Variants in TWIST2 observed in about 807,000 individuals in gnomAD.
TWIST2 encodes the protein twist-related protein 2.
TWIST2 carries 1 observed loss-of-function variant against 11.6 expected under a neutral mutation model. That is an observed-to-expected ratio of 0.09 (90% CI 0.03 to 0.41). TWIST2 has a LOEUF of 0.41. Among genes scored for constraint, TWIST2 ranks in the 10% least tolerant of loss-of-function variants. TWIST2 has a pLI of 0.98. For missense variants in TWIST2, 168 were observed against 226.4 expected (o/e 0.74, Z 1.66); for synonymous variants, 87 against 96.6 (o/e 0.90, Z 0.58).
chr2:238,884,109 C>T (rs1351830664), intron 1 of TWIST2, among the ~76,000 whole-genome samples: 1 of 152,218 alleles, frequency 6.6e-6, no homozygotes, highest in South Asian at 2.1e-4. Flanking sequence ...ACAGAAGGCA[C>T]CCCGAGTGCC....
At chr2:238,872,082 G>A (rs535563106) in intron 1 of TWIST2, among the ~76,000 whole-genome samples, 5 of 152,268 alleles carry the variant, frequency 3.3e-5, no homozygotes, top group South Asian at 4.2e-4. Flanking sequence ...AATTATTTCC[G>A]GGGATGTTTC....
chr2:238,887,480 C>CT (rs1205351356), intron 1 of TWIST2, among the ~76,000 whole-genome samples: 1 of 152,222 alleles, frequency 6.6e-6, no homozygotes, highest in Non-Finnish European at 1.5e-5. Flanking sequence ...CAAATGCCAT[C>CT]TACAAATTAC....
In TWIST2 at chr2:238,867,918, G is replaced by A. The variant is rs529010914; in HGVS notation, c.*35+19185G>A. Among the ~76,000 whole-genome samples the A allele has an allele frequency of 6.6e-6, 1 of 152,334 alleles. No individual in the cohort carries two copies. Among genetic ancestry groups the A allele is most frequent in the East Asian group, 1.9e-4 (1 of 5,176 alleles). On this transcript the variant is annotated intron_variant, in intron 1 of 1. Transcript: ENST00000612363. This position sits in a 1 kb window ranked among gnomAD's most constrained non-coding sequence, Gnocchi z 4.8. ...AGAAGGAGCAGGTGGGCTGAAGAAT[G>A]TGTTGGAGCAGAGACTGTGGTCAGC... is the stretch of plus-strand genomic sequence containing the variant.
Position 238,858,459 on chromosome 2 carries a change from C to T in TWIST2, c.*35+9726C>T, listed in dbSNP as rs1011083050. Among the ~76,000 whole-genome samples, 17 of 152,138 alleles carry T rather than the reference C, an allele frequency of 1.1e-4. No individual in the cohort carries two copies. The East Asian group carries it at 1.2e-3, about 10-fold the overall frequency. ...CAGAAACCAAAGGCTGTTGACTTTG[C>T]GAGAGGCAAGCTAGCTCCCCAAGTG... On this transcript the variant is annotated intron_variant, in intron 1 of 1. Transcript: ENST00000612363.
intron 1 of TWIST2, among the ~76,000 whole-genome samples, chr2:238,909,123 G>GTGTGTTTGTGTGTGTGGTATTTGTATGT (rs1693409563): frequency 5.1e-5 from 1 of 19,702 alleles, no homozygotes; most frequent in African/African-American, 1.5e-4. Context: ...ATGTGGGGTG[G>GTGTGTTTGTGTGTGTGGTATTTGTATGT]GGTGTGTTCG....
chr2:238,905,906 TGTGTGTGCGTGCAG>T (rs1693339482), intron 1 of TWIST2, among the ~76,000 whole-genome samples: 2 of 40,858 alleles, frequency 4.9e-5, no homozygotes, highest in African/African-American at 2.8e-4. Context: ...CGTGTGTGCG[TGTGTGTGCGTGCAG>T]GTGTGCGTGT....
chr2:238,890,781 GA>G (rs1693117163), intron 1 of TWIST2, among the ~76,000 whole-genome samples: 1 of 152,110 alleles, frequency 6.6e-6, no homozygotes, highest in Non-Finnish European at 1.5e-5. Flanking sequence ...GGGGCAGGGG[GA>G]TTAGTCTCTA....
At chr2:238,853,034 A>C (rs1692268625) in intron 1 of TWIST2, among the ~76,000 whole-genome samples, 2 of 152,214 alleles carry the variant, frequency 1.3e-5, no homozygotes, top group South Asian at 4.1e-4. Flanking sequence ...ATCTCAATAT[A>C]TTTCCAATAT....
At chr2:238,907,791 C>G (rs934090321) in intron 1 of TWIST2, among the ~76,000 whole-genome samples, 1 of 151,548 alleles carries the variant, frequency 6.6e-6, no homozygotes, top group South Asian at 2.1e-4. Context: ...CCCACTTACA[C>G]ACATAAACAC....
chr2:238,884,319 G>A (rs1447169474), intron 1 of TWIST2, among the ~76,000 whole-genome samples: 1 of 152,208 alleles, frequency 6.6e-6, no homozygotes, highest in African/African-American at 2.4e-5. Context: ...GGAGAAGTGA[G>A]GTCCCAGTGA....
At chr2:238,905,105 C>T (rs1324095349) in intron 1 of TWIST2, among the ~76,000 whole-genome samples, 5 of 152,042 alleles carry the variant, frequency 3.3e-5, no homozygotes, top group Admixed American at 1.3e-4. Context: ...TAGAGTAAAA[C>T]GCCTTTCCCT....
chr2:238,870,823 A>C (rs1275359509), intron 1 of TWIST2, among the ~76,000 whole-genome samples: 1 of 47,122 alleles, frequency 2.1e-5, no homozygotes, highest in Non-Finnish European at 4.1e-5. Context: ...CACACACCCC[A>C]CACACACCAC....
At position 238,876,854 on chromosome 2, in the gene TWIST2, C is replaced by T. The variant is rs370951071; in HGVS notation, c.*35+28121C>T. Reference sequence around the variant, plus strand: ...AAAAAGGGAATAAAGGGAATCGACTCGAGATACTAAAATGCATCTGAGAAA... The same window carrying T: ...AAAAAGGGAATAAAGGGAATCGACTTGAGATACTAAAATGCATCTGAGAAA... On this transcript the variant is annotated intron_variant, in intron 1 of 1. Coordinates refer to ENST00000612363, the MANE Select transcript of TWIST2 (RefSeq NM_001271893.4). 1.1e-4 allele frequency among the ~76,000 whole-genome samples: 16 copies of T among 152,126 alleles called. No homozygotes were observed. The East Asian group carries it at 1.9e-3, about 18-fold the overall frequency.
At chr2:238,852,368 T>C (rs1692257584) in intron 1 of TWIST2, among the ~76,000 whole-genome samples, 1 of 152,244 alleles carries the variant, frequency 6.6e-6, no homozygotes, top group South Asian at 2.1e-4. Flanking sequence ...TTTATGTTTG[T>C]GTCTTTTCCT....
At chr2:238,865,129 G>A (rs1692509245) in intron 1 of TWIST2, among the ~76,000 whole-genome samples, 1 of 152,346 alleles carries the variant, frequency 6.6e-6, no homozygotes, top group East Asian at 1.9e-4. Context: ...ATGGTCCAGT[G>A]AGCTGGGTGC....
intron 1 of TWIST2, among the ~76,000 whole-genome samples, chr2:238,870,173 ACC>A (rs1559273540): frequency 9.4e-5 from 6 of 63,990 alleles, no homozygotes; most frequent in African/African-American, 2.3e-4. Context: ...CACACCACAC[ACC>A]CCACACACAC....
At chr2:238,896,562 CAT>C (rs1693210136) in intron 1 of TWIST2, among the ~76,000 whole-genome samples, 1 of 152,206 alleles carries the variant, frequency 6.6e-6, no homozygotes, top group African/African-American at 2.4e-5. Context: ...TCCTGAGCCA[CAT>C]GTCTCAAAAA....
intron 1 of TWIST2, among the ~76,000 whole-genome samples, chr2:238,873,480 T>TG (rs2106361056): frequency 6.6e-6 from 1 of 152,258 alleles, no homozygotes; most frequent in South Asian, 2.1e-4. Flanking sequence ...GCCTGGCGTA[T>TG]GCTCTGGGGG....
chr2:238,871,677 C>T (rs993331562), intron 1 of TWIST2, among the ~76,000 whole-genome samples: 2 of 144,510 alleles, frequency 1.4e-5, no homozygotes, highest in Non-Finnish European at 1.5e-5. Flanking sequence ...ATCACCCCCC[C>T]CCAACACACA....
Sources: gnomAD v4.1 joint callset for allele counts (sites outside exome capture counted in the v4.1 genomes callset) on GRCh38, gnomAD v4.1.1 for gene constraint, Gnocchi (gnomAD v3.1) non-coding constraint, MANE v1.5 for transcripts, NCBI Gene and HGNC (gene_info 2026-07-23, HGNC 2026-07-21) for gene names.